The following FBXL2 variants were observed in gnomAD, a reference collection of about 807,000 sequenced individuals.
The protein encoded by FBXL2 is F-box and leucine rich repeat protein 2.
FBXL2 carries 38 observed loss-of-function variants against 69.2 expected under a neutral mutation model. The ratio of observed to expected loss-of-function variants is 0.55; its 90% CI spans 0.42 to 0.72. The LOEUF (loss-of-function observed/expected upper bound fraction) is 0.72. Ranked by LOEUF, FBXL2 falls within the 30% of genes least tolerant of loss-of-function variation. The pLI is 0.00. For synonymous variants in FBXL2, 192 were observed against 201.3 expected, an observed-to-expected ratio of 0.95 and a Z score of 0.39; for missense variants, 354 against 520.3, an observed-to-expected ratio of 0.68 and a Z score of 3.11.
intron 13 of FBXL2, among the ~76,000 whole-genome samples, chr3:33,380,015 A>G (rs995812486): frequency 2.7e-5 from 4 of 150,872 alleles, no homozygotes; most frequent in Non-Finnish European, 5.9e-5. Context: ...GGCAGATCAC[A>G]AGGTCAGGAC....
Position 33,398,878 on chromosome 3 carries a change from T to G in FBXL2, n.1215-4356T>G, listed in dbSNP as rs535158252. Among the ~76,000 whole-genome samples, 8 of 152,306 alleles carry G rather than the reference T, an allele frequency of 5.3e-5. No individual in the cohort carries two copies. In the South Asian group the frequency reaches 1.4e-3, roughly 28 times the overall value. On this transcript the variant is annotated intron_variant and non_coding_transcript_variant, in intron 12 of 12. Coordinates refer to the FBXL2 transcript ENST00000463736. ...AACCCCAGCTCCCCGACCCTGAAAT[T>G]TTACAATTTCTAGTTTTTCACACAT... is the stretch of plus-strand genomic sequence containing the variant.
Position 33,350,479 on chromosome 3 carries a change from C to T in FBXL2, c.66-8488C>T, listed in dbSNP as rs1293779105. 2.0e-5 allele frequency among the ~76,000 whole-genome samples: 3 copies of T among 151,376 alleles called. No homozygotes were observed. In the East Asian group the frequency reaches 5.8e-4, roughly 29 times the overall value. ...ACAGAGTCCAGCTCTGTTGCCCAGG[C>T]TGGAGTGCAGTGGTGCAGTCTCTGC... On this transcript the variant is annotated intron_variant, in intron 2 of 14. Coordinates refer to ENST00000484457, the MANE Select transcript of FBXL2 (RefSeq NM_012157.5).
rs754883810 is a variant in FBXL2 at position 33,387,623 on chromosome 3, A to AAAC, written c.*2018_*2020dup. The stretch of plus-strand genomic sequence containing the variant: ...CTCCATCATCATCTCAAAACAAAAC[A>AAAC]AACAAACAAACAAAACAAACCACCA... On this transcript the variant is annotated 3_prime_UTR_variant, in exon 15 of 15. Coordinates refer to ENST00000484457, the MANE Select transcript of FBXL2 (RefSeq NM_012157.5). 3.8e-5 allele frequency: 4 copies of AAAC among 104,762 alleles called. No homozygotes were observed. Among genetic ancestry groups the AAAC allele is most frequent in the African/African-American group, 1.1e-4 (3 of 27,632 alleles). 6.5% of individuals were successfully genotyped at this position (104,762 alleles called of 1,614,324 possible).
At chr3:33,397,858 C>G (rs1230635375) in intron 12 of FBXL2, 1 of 152,026 alleles carries the variant, frequency 6.6e-6, no homozygotes, top group Non-Finnish European at 1.5e-5. Flanking sequence ...TATCTGAACA[C>G]TCCCTTCGCT....
the FBXL2 span, among the ~76,000 whole-genome samples, chr3:33,415,658 A>G: frequency 6.6e-6 from 1 of 152,122 alleles, no homozygotes; most frequent in South Asian, 2.1e-4. Flanking sequence ...TCCAGTTTTA[A>G]AGACCTCAGT....
intron 12 of FBXL2, among the ~76,000 whole-genome samples, chr3:33,395,765 AAAAAAAAAG>A (rs2043960820): frequency 6.6e-6 from 1 of 151,270 alleles, no homozygotes; most frequent in Non-Finnish European, 1.5e-5. Context: ...AAAAAAAAAA[AAAAAAAAAG>A]AAAAAGGAAA....
At chr3:33,346,564 ATAAATAAATAAG>A (rs1171764929) in intron 2 of FBXL2, among the ~76,000 whole-genome samples, 1 of 152,024 alleles carries the variant, frequency 6.6e-6, no homozygotes, top group East Asian at 1.9e-4. Context: ...GTCTCTAAAA[ATAAATAAATAAG>A]TAAATAAATA....
intron 1 of FBXL2, among the ~76,000 whole-genome samples, chr3:33,290,039 C>A (rs2035067490): frequency 6.6e-6 from 1 of 152,050 alleles, no homozygotes; most frequent in Non-Finnish European, 1.5e-5. Context: ...GCAGAAGGTG[C>A]TACTGGAGAC....
In FBXL2 at chr3:33,373,611, C is replaced by T. The variant is rs530357441; in HGVS notation, c.489C>T (p.Leu163=). Residue 163 remains leucine, a synonymous_variant, in exon 8 of 15, where the codon CTC becomes CTT. Transcript: ENST00000484457. ...EGCRNLEYLN[L]SWCDQITKDG... ...GCCGAAACCTGGAGTACCTGAACCT[C>T]TCTTGGTGTGATCAGATCACGAAGG... 146 of 1,614,192 alleles carry T rather than the reference C, an allele frequency of 9.0e-5. 3 individuals carry two copies. In the South Asian group the frequency reaches 1.5e-3, roughly 17 times the overall value.
chr3:33,378,211 C>T (rs747866000), intron 12 of FBXL2, 64 bp downstream of exon 12: 5 of 1,493,700 alleles, frequency 3.3e-6, no homozygotes, highest in Non-Finnish European at 4.7e-6. Context: ...GCCAGTGCAG[C>T]ACAGCCAGAG....
intron 2 of FBXL2, among the ~76,000 whole-genome samples, chr3:33,337,942 AAC>A (rs767875771): frequency 6.6e-6 from 1 of 152,218 alleles, no homozygotes; most frequent in Non-Finnish European, 1.5e-5. Flanking sequence ...AGAATTACAA[AAC>A]ACTGCTGAAA....
chr3:33,361,243 C>T (rs1347021023), intron 4 of FBXL2, among the ~76,000 whole-genome samples: 1 of 151,948 alleles, frequency 6.6e-6, no homozygotes, highest in Non-Finnish European at 1.5e-5. Flanking sequence ...GTGGCCCACA[C>T]CTGAAATCCC....
At chr3:33,291,575 TA>T (rs1298548812) in intron 1 of FBXL2, among the ~76,000 whole-genome samples, 1 of 152,076 alleles carries the variant, frequency 6.6e-6, no homozygotes, top group Admixed American at 6.6e-5. Flanking sequence ...GAAGTAGAAG[TA>T]AGCTATCCAA....
chr3:33,326,842 G>C (rs905212838), intron 2 of FBXL2, among the ~76,000 whole-genome samples: 12 of 152,160 alleles, frequency 7.9e-5, no homozygotes, highest in African/African-American at 2.9e-4. Context: ...CTAGGGCCTG[G>C]CATCACTTTT....
Position 33,277,525 on chromosome 3 carries a change from G to A in FBXL2, c.3+10G>A. 1 of 1,297,434 alleles carries A rather than the reference G, an allele frequency of 7.7e-7. No individual in the cohort carries two copies. Among genetic ancestry groups the A allele is most frequent in the Non-Finnish European group, 9.9e-7 (1 of 1,014,622 alleles). The allele number at this position is 1,297,434 out of a possible 1,614,324, so 80.4% of individuals were successfully genotyped here. ...CGGCTCTTCGGCCATGGTGAGTCTG[G>A]GACCCGCGTCTGCCTAGCTGCCCCG... On this transcript the variant is annotated intron_variant, in intron 1 of 14. Coordinates refer to ENST00000484457, the MANE Select transcript of FBXL2 (RefSeq NM_012157.5).
chr3:33,382,534 A>G (rs2043132819), intron 13 of FBXL2: 1 of 152,172 alleles, frequency 6.6e-6, no homozygotes, highest in South Asian at 2.1e-4. Flanking sequence ...ATGTAGTTGT[A>G]TATTGTTCAT....
chr3:33,324,858 A>G (rs1420770678), intron 2 of FBXL2, among the ~76,000 whole-genome samples: 1 of 152,196 alleles, frequency 6.6e-6, no homozygotes, highest in African/African-American at 2.4e-5. Context: ...TGGTGGCTTC[A>G]TGGGGATAGC....
rs780537794 is a variant in FBXL2 at position 33,396,147 on chromosome 3, G to A, written n.1215-7087G>A. ...GTCTCAGAAGTGACAGAATTGAGAT[G>A]CCCTCAATACCTACCATAGGGTGCC... On this transcript the variant is annotated intron_variant and non_coding_transcript_variant, in intron 12 of 12. Coordinates refer to the FBXL2 transcript ENST00000463736. The A allele has an allele frequency of 2.6e-6, 4 of 1,526,198 alleles. No homozygotes were observed. The Admixed American group carries it at 6.9e-5, about 26-fold the overall frequency. 94.5% of individuals were successfully genotyped at this position (1,526,198 alleles called of 1,614,324 possible).
At chr3:33,360,918 CTTTTTTTTTTTTT>C (rs58912118) in intron 4 of FBXL2, among the ~76,000 whole-genome samples, 4,986 of 57,082 alleles carry the variant, frequency 0.087, 294 homozygotes, top group African/African-American at 0.26. Context: ...ACATGAAGAA[CTTTTTTTTTTTTT>C]TTTTTTTTTT....
Sources: allele counts gnomAD v4.1 joint callset (sites outside exome capture counted in the v4.1 genomes callset), GRCh38; gene constraint gnomAD v4.1.1; transcripts MANE v1.5; gene names NCBI Gene and HGNC (gene_info 2026-07-23, HGNC 2026-07-21).